The following DGKB variants were observed in gnomAD, a reference collection of about 807,000 sequenced individuals.
DGKB encodes the protein diacylglycerol kinase beta.
In DGKB, 67 loss-of-function variants were observed where a neutral mutation model predicts 114.3. The ratio of observed to expected loss-of-function variants is 0.59; its 90% CI spans 0.48 to 0.72. DGKB has a LOEUF of 0.72. Among genes scored for constraint, DGKB ranks in the 30% least tolerant of loss-of-function variants. The pLI, the probability that DGKB is intolerant of heterozygous loss-of-function variation, is 0.00. For missense variants in DGKB, 907 were observed against 975.2 expected, an observed-to-expected ratio of 0.93 and a Z score of 0.93; for synonymous variants, 398 against 323.1, an observed-to-expected ratio of 1.23 and a Z score of -2.49.
chr7:14,277,958 A>G (rs764102521), intron 23 of DGKB, among the ~76,000 whole-genome samples: 3 of 152,160 alleles, frequency 2.0e-5, no homozygotes, highest in Non-Finnish European at 4.4e-5. Flanking sequence ...TTTTATAAAC[A>G]CCATTTTAAC....
intron 2 of DGKB, among the ~76,000 whole-genome samples, chr7:14,840,757 C>T (rs1248715393): frequency 2.0e-5 from 3 of 148,574 alleles, no homozygotes; most frequent in African/African-American, 7.4e-5. Flanking sequence ...TCTCCCTTTT[C>T]CCTCCCTCTT....
chr7:14,864,609 G>A (rs1255833904), intron 1 of DGKB, among the ~76,000 whole-genome samples: 2 of 152,074 alleles, frequency 1.3e-5, no homozygotes, highest in East Asian at 1.9e-4. Flanking sequence ...AATTGATTCC[G>A]GGCTTTAGAG....
chr7:14,949,645 A>C (rs1299088587), intron 1 of DGKB, among the ~76,000 whole-genome samples: 2 of 151,992 alleles, frequency 1.3e-5, no homozygotes, highest in Non-Finnish European at 2.9e-5. Flanking sequence ...TGATCTACAA[A>C]TTTAAGAGGT....
At chr7:14,402,364 A>C (rs1823263919) in intron 21 of DGKB, among the ~76,000 whole-genome samples, 1 of 151,846 alleles carries the variant, frequency 6.6e-6, no homozygotes, top group Non-Finnish European at 1.5e-5. Context: ...GCCTAATTTT[A>C]ATTCCAGGAA....
At chr7:14,456,480 C>A (rs1490010764) in intron 21 of DGKB, among the ~76,000 whole-genome samples, 1 of 152,002 alleles carries the variant, frequency 6.6e-6, no homozygotes. Context: ...TCCTATGTGA[C>A]TTTTCAAAGA....
At chr7:14,575,376 TC>T (rs1798971177) in intron 19 of DGKB, among the ~76,000 whole-genome samples, 1 of 152,174 alleles carries the variant, frequency 6.6e-6, no homozygotes, top group Admixed American at 6.5e-5. Flanking sequence ...TGATAGACGG[TC>T]AACATGACCT....
intron 13 of DGKB, among the ~76,000 whole-genome samples, chr7:14,645,619 C>T (rs6968775): frequency 0.78 from 117,697 of 151,622 alleles, 45,940 homozygotes; most frequent in African/African-American, 0.85. Context: ...ACAAGGGAGT[C>T]CCCATTAGAC....
chr7:14,192,864 T>C (rs1206530146), intron 23 of DGKB, among the ~76,000 whole-genome samples: 2 of 151,926 alleles, frequency 1.3e-5, no homozygotes, highest in Non-Finnish European at 2.9e-5. Context: ...GATGATACCA[T>C]CTAGGGGTGA....
chr7:14,744,656 T>C (rs1299935420), intron 4 of DGKB, among the ~76,000 whole-genome samples: 1 of 152,200 alleles, frequency 6.6e-6, no homozygotes, highest in Non-Finnish European at 1.5e-5. Context: ...GTAAGAATAA[T>C]TATTCTTGCT....
chr7:14,565,538 A>T (rs1462981114), intron 20 of DGKB, among the ~76,000 whole-genome samples: 2 of 152,132 alleles, frequency 1.3e-5, no homozygotes, highest in Non-Finnish European at 2.9e-5. Flanking sequence ...AATTTCCACT[A>T]TGACATGCAC....
At position 14,212,556 on chromosome 7, in the gene DGKB, T is replaced by C. The variant is rs1440888438; in HGVS notation, c.2123-34405A>G. Among the ~76,000 whole-genome samples, 4 of 152,188 alleles carry C rather than the reference T, an allele frequency of 2.6e-5. No homozygotes were observed. The East Asian group carries it at 7.8e-4, about 30-fold the overall frequency. The stretch of plus-strand genomic sequence containing the variant: ...ATGCAGGGATTTGTCCTGAGTCATC[T>C]CTTCACTATACTTTTTCCTTAGAAA... On this transcript the variant is annotated intron_variant, in intron 23 of 25. Coordinates refer to ENST00000402815, the MANE Select transcript of DGKB (RefSeq NM_001350709.2).
intron 21 of DGKB, among the ~76,000 whole-genome samples, chr7:14,400,268 T>G (rs1348020885): frequency 1.3e-5 from 2 of 151,836 alleles, no homozygotes; most frequent in African/African-American, 4.8e-5. Flanking sequence ...TACATTATGT[T>G]TAATAATTTG....
rs527725424 is a variant in DGKB at position 14,449,699 on chromosome 7, T to C, written c.1835+28462A>G. Among the ~76,000 whole-genome samples, 150 of 152,240 alleles carry C rather than the reference T, an allele frequency of 9.9e-4. 1 individual carries two copies. Among genetic ancestry groups the C allele is most frequent in the Non-Finnish European group, 1.6e-3 (107 of 68,000 alleles). Reference sequence around the variant, plus strand: ...AAGACAAGATAATTTCTAAATATCTTGCAGAGATATGTAACCTCCTCTCCA... The same window carrying C: ...AAGACAAGATAATTTCTAAATATCTCGCAGAGATATGTAACCTCCTCTCCA... On this transcript the variant is annotated intron_variant, in intron 21 of 25. Transcript: ENST00000402815.
intron 21 of DGKB, among the ~76,000 whole-genome samples, chr7:14,352,612 G>T (rs575698444): frequency 1.3e-5 from 2 of 152,116 alleles, no homozygotes; most frequent in Non-Finnish European, 2.9e-5. Context: ...ATCATGTTAA[G>T]AATTGAATAC....
intron 13 of DGKB, among the ~76,000 whole-genome samples, chr7:14,653,390 T>C (rs1815030451): frequency 6.6e-6 from 1 of 151,770 alleles, no homozygotes; most frequent in African/African-American, 2.4e-5. Context: ...TCATTCTCAG[T>C]AAACTACTGC....
At chr7:14,606,879 C>T (rs956574665) in intron 17 of DGKB, among the ~76,000 whole-genome samples, 12 of 151,566 alleles carry the variant, frequency 7.9e-5, no homozygotes, top group South Asian at 2.1e-4. Context: ...TAAATGAAAT[C>T]GTATGATTTT....
chr7:14,840,076 C>T (rs1393337513), intron 2 of DGKB, among the ~76,000 whole-genome samples: 5 of 152,154 alleles, frequency 3.3e-5, no homozygotes, highest in African/African-American at 1.2e-4. Context: ...TTCTAAGTCC[C>T]TATATGTGTT....
chr7:14,579,261 ACATAT>A, intron 19 of DGKB, among the ~76,000 whole-genome samples: 1 of 152,310 alleles, frequency 6.6e-6, no homozygotes, highest in Middle Eastern at 3.4e-3. Context: ...CAGTGCCAAC[ACATAT>A]CAGACACTCA....
chr7:14,722,529 C>A (rs1329815449), intron 5 of DGKB, among the ~76,000 whole-genome samples: 3 of 152,050 alleles, frequency 2.0e-5, no homozygotes. Flanking sequence ...AATAAAAAAG[C>A]TTGGCCAGGC....
Sources: gnomAD v4.1 joint callset for allele counts (sites outside exome capture counted in the v4.1 genomes callset) on GRCh38, gnomAD v4.1.1 for gene constraint, MANE v1.5 for transcripts, NCBI Gene and HGNC (gene_info 2026-07-23, HGNC 2026-07-21) for gene names.